SPRY3: variants seen among roughly 807,000 people sequenced by gnomAD.
SPRY3 encodes the protein sprouty RTK signaling antagonist 3, also known as protein sprouty homolog 3.
In SPRY3, 15 loss-of-function variants were observed where a neutral mutation model predicts 20.2. The observed-to-expected ratio is 0.74, with a 90% CI of 0.50 to 1.14. SPRY3 has a LOEUF of 1.14. Among genes scored for constraint, SPRY3 ranks in the 50% most tolerant of loss-of-function variants. The pLI, the probability that SPRY3 is intolerant of heterozygous loss-of-function variation, is 0.00. For synonymous variants in SPRY3, 143 were observed against 136.5 expected (o/e 1.05, Z -0.33); for missense variants, 364 against 363.9 (o/e 1.00, Z 0.00).
At chrX:155,636,673 T>C (rs2067924721) in intron 1 of SPRY3, among the ~76,000 whole-genome samples, 1 of 110,756 alleles carries the variant, frequency 9.0e-6, no homozygotes, top group South Asian at 3.8e-4. Context: ...TATTATTTTA[T>C]ATAAAATCAT....
chrX:155,724,734 T>G (rs1258151576), intron 2 of SPRY3, among the ~76,000 whole-genome samples: 1 of 152,182 alleles, frequency 6.6e-6, no homozygotes, highest in African/African-American at 2.4e-5. Context: ...ACAATGGGGT[T>G]TTCTAAATAT....
intron 2 of SPRY3, among the ~76,000 whole-genome samples, chrX:155,680,079 T>G (rs1329995786): frequency 9.3e-6 from 1 of 107,740 alleles, no homozygotes; most frequent in African/African-American, 3.4e-5. Context: ...GTTCAAGATT[T>G]TAAACATGGG....
chrX:155,727,606 T>C (rs1309047528), intron 2 of SPRY3, among the ~76,000 whole-genome samples: 1 of 152,194 alleles, frequency 6.6e-6, no homozygotes, highest in African/African-American at 2.4e-5. Flanking sequence ...TTGAAGTTTG[T>C]GCATTCCTCA....
intron 2 of SPRY3, among the ~76,000 whole-genome samples, chrX:155,675,019 G>A (rs1176887220): frequency 9.0e-6 from 1 of 111,620 alleles, no homozygotes; most frequent in East Asian, 2.8e-4. Flanking sequence ...GGGTATAATT[G>A]TTCAATTAAT....
chrX:155,782,013 G>C (rs769144541), exon 2 of SPRY3: 3 of 167,108 alleles, frequency 1.8e-5, no homozygotes, highest in Admixed American at 6.5e-5. Flanking sequence ...CTTATACTCA[G>C]TCAACCACAA....
chrX:155,767,861 A>G (rs1263867272), intron 2 of SPRY3, 101 bp from the exon 2 acceptor site: 1 of 152,586 alleles, frequency 6.6e-6, no homozygotes. Context: ...AAATCTATAC[A>G]AAGTATATGC....
At chrX:155,722,923 C>T (rs977388757) in intron 2 of SPRY3, among the ~76,000 whole-genome samples, 18 of 151,876 alleles carry the variant, frequency 1.2e-4, no homozygotes, top group Non-Finnish European at 2.4e-4. Context: ...CTAATGCTAT[C>T]CTTCCCCCAG....
intron 1 of SPRY3, among the ~76,000 whole-genome samples, chrX:155,625,198 A>C (rs1009457710): frequency 1.8e-5 from 2 of 111,626 alleles, no homozygotes; most frequent in Non-Finnish European, 3.8e-5. Flanking sequence ...TTGTAGAAAG[A>C]TTCAATCAAG....
chrX:155,683,048 TA>T (rs1454165470), intron 2 of SPRY3, among the ~76,000 whole-genome samples: 1 of 112,028 alleles, frequency 8.9e-6, no homozygotes, highest in Admixed American at 9.5e-5. Context: ...GATAAAACTT[TA>T]ACATGACGAG....
chrX:155,767,668 A>AAAGAAG (rs1315575991), intron 2 of SPRY3: 1 of 114,612 alleles, frequency 8.7e-6, no homozygotes, highest in Non-Finnish European at 1.9e-5. Flanking sequence ...GGAGGAGGAG[A>AAAGAAG]AGGGGGAGGA....
intron 2 of SPRY3, among the ~76,000 whole-genome samples, chrX:155,702,390 T>G: frequency 7.9e-5 from 1 of 12,620 alleles, no homozygotes; most frequent in Non-Finnish European, 1.5e-4. Context: ...CGAATGGGAG[T>G]TCACCCATGA....
intron 2 of SPRY3, among the ~76,000 whole-genome samples, chrX:155,673,750 A>G (rs1557355026): frequency 8.9e-6 from 1 of 112,175 alleles, no homozygotes; most frequent in Non-Finnish European, 1.9e-5. Context: ...TGGAAAGGCT[A>G]ATTCTCTGCA....
intron 2 of SPRY3, among the ~76,000 whole-genome samples, chrX:155,730,117 G>A (rs1356736256): frequency 1.3e-5 from 2 of 152,060 alleles, no homozygotes; most frequent in African/African-American, 2.4e-5. Flanking sequence ...AACATTTAAA[G>A]AACTAATACC....
At chrX:155,721,254 A>G (rs2091055110) in intron 2 of SPRY3, among the ~76,000 whole-genome samples, 1 of 152,082 alleles carries the variant, frequency 6.6e-6, no homozygotes, top group African/African-American at 2.4e-5. Context: ...AGTCAGAGAA[A>G]CCAAAATAAA....
At chrX:155,759,033 C>A (rs1464750817) in intron 2 of SPRY3, among the ~76,000 whole-genome samples, 2 of 150,908 alleles carry the variant, frequency 1.3e-5, no homozygotes, top group East Asian at 3.9e-4. Flanking sequence ...TATCTTTGTG[C>A]ATGCCGTTTC....
chrX:155,759,954 G>A (rs2091297838), intron 2 of SPRY3, among the ~76,000 whole-genome samples: 1 of 152,140 alleles, frequency 6.6e-6, no homozygotes, highest in Non-Finnish European at 1.5e-5. Flanking sequence ...TCTTCAGATA[G>A]AGTTTGATTT....
intron 2 of SPRY3, among the ~76,000 whole-genome samples, chrX:155,677,350 A>G (rs2068061457): frequency 9.0e-6 from 1 of 111,648 alleles, no homozygotes; most frequent in African/African-American, 3.3e-5. Context: ...CATTTTCCTT[A>G]CACTCTCCTG....
At chrX:155,719,183 A>T (rs2091040610) in intron 2 of SPRY3, among the ~76,000 whole-genome samples, 1 of 152,116 alleles carries the variant, frequency 6.6e-6, no homozygotes, top group African/African-American at 2.4e-5. Context: ...AGTAATTGTG[A>T]GGCATTGAGT....
intron 1 of SPRY3, among the ~76,000 whole-genome samples, chrX:155,637,489 T>C (rs782220247): frequency 1.4e-3 from 150 of 110,910 alleles, no homozygotes; most frequent in Middle Eastern, 9.3e-3. Flanking sequence ...CAGTTTGCAG[T>C]TTCCCCAGCA....
Sources: allele counts gnomAD v4.1 joint callset (sites outside exome capture counted in the v4.1 genomes callset), GRCh38; gene constraint gnomAD v4.1.1; transcripts MANE v1.5; gene names NCBI Gene and HGNC (gene_info 2026-07-23, HGNC 2026-07-21).